VRK2: variants seen among roughly 807,000 people sequenced by gnomAD.
The protein encoded by VRK2 is VRK serine/threonine kinase 2.
VRK2 carries 60 observed loss-of-function variants against 57.6 expected under a neutral mutation model. The ratio of observed to expected loss-of-function variants is 1.04; its 90% confidence interval spans 0.85 to 1.29. The LOEUF is 1.29. Ranked by LOEUF, VRK2 falls within the 50% of genes most tolerant of loss-of-function variation. VRK2 has a pLI of 0.00. For synonymous variants in VRK2, 231 were observed against 199.2 expected (o/e 1.16, Z -1.35); for missense variants, 705 against 588.1 (o/e 1.20, Z -2.06).
chr2:58,115,314 C>T (rs1007700574), intron 7 of VRK2, among the ~76,000 whole-genome samples: 1 of 151,950 alleles, frequency 6.6e-6, no homozygotes, highest in East Asian at 1.9e-4. Flanking sequence ...GATTGAAGTC[C>T]GGGCCAGAAA....
rs1371764236 is a variant in VRK2 at position 58,131,789 on chromosome 2, C to G, written c.677-19C>G. ...ACTTGCTTATCCCTTATCTTTCTCT[C>G]TAATGCTTACTCCTATAGCCTTGTC... On this transcript the variant is annotated intron_variant, in intron 8 of 12. Coordinates refer to ENST00000340157, the MANE Select transcript of VRK2 (RefSeq NM_006296.7). 16 of 1,587,916 alleles carry G rather than the reference C, an allele frequency of 1.0e-5. No homozygotes were observed. The highest frequency in any genetic ancestry group is 9.4e-5 in the Admixed American group (5 of 53,228).
chr2:57,946,589 T>C (rs1165746367), intron 1 of VRK2, among the ~76,000 whole-genome samples: 1 of 152,126 alleles, frequency 6.6e-6, no homozygotes, highest in Admixed American at 6.5e-5. Flanking sequence ...GCTTCCCCCA[T>C]TAAAAGAATC....
chr2:57,920,698 C>G (rs749292595), intron 1 of VRK2, among the ~76,000 whole-genome samples: 1 of 152,156 alleles, frequency 6.6e-6, no homozygotes, highest in South Asian at 2.1e-4. Context: ...TAGTGACCTT[C>G]TCTTAGCACT....
chr2:58,042,809 C>A (rs1410100211), upstream of VRK2, among the ~76,000 whole-genome samples: 1 of 152,004 alleles, frequency 6.6e-6, no homozygotes, highest in African/African-American at 2.4e-5. Context: ...CTAGTTTTCC[C>A]CATATTTTTT....
intron 1 of VRK2, among the ~76,000 whole-genome samples, chr2:57,964,078 G>T (rs933379690): frequency 2.0e-5 from 3 of 152,020 alleles, no homozygotes; most frequent in Non-Finnish European, 4.4e-5. Flanking sequence ...AAAGATGAGG[G>T]TTAGGGAGCT....
intron 3 of VRK2, among the ~76,000 whole-genome samples, chr2:58,084,447 T>C (rs1408050284): frequency 1.3e-5 from 2 of 151,840 alleles, no homozygotes; most frequent in Non-Finnish European, 2.9e-5. Context: ...TTATTTCTTT[T>C]TGGTGTCCCC....
intron 1 of VRK2, among the ~76,000 whole-genome samples, chr2:57,929,175 G>A (rs1021973109): frequency 6.6e-6 from 1 of 152,230 alleles, no homozygotes; most frequent in Non-Finnish European, 1.5e-5. Flanking sequence ...GCTAGGTCCA[G>A]AGATGCTGTC....
intron 1 of VRK2, among the ~76,000 whole-genome samples, chr2:57,932,859 A>G (rs1670774791): frequency 6.6e-6 from 1 of 152,158 alleles, no homozygotes; most frequent in Non-Finnish European, 1.5e-5. Context: ...CTTTTGCTGC[A>G]TTCCATAATT....
intron 1 of VRK2, among the ~76,000 whole-genome samples, chr2:57,993,340 A>G (rs1265638669): frequency 6.6e-6 from 1 of 152,216 alleles, no homozygotes; most frequent in South Asian, 2.1e-4. Context: ...AGTATACTCC[A>G]TGCATTCCCA....
At chr2:58,039,719 A>G (rs1572815562) in intron 3 of VRK2, among the ~76,000 whole-genome samples, 1 of 152,258 alleles carries the variant, frequency 6.6e-6, no homozygotes, top group Admixed American at 6.5e-5. Flanking sequence ...CAATTTGAGT[A>G]TAACTGTGGA....
At chr2:57,962,319 G>A (rs953482696) in intron 1 of VRK2, among the ~76,000 whole-genome samples, 9 of 152,086 alleles carry the variant, frequency 5.9e-5, no homozygotes, top group African/African-American at 2.2e-4. Flanking sequence ...TAGGAACTAT[G>A]ATCAACCTCA....
chr2:58,144,492 G>T (rs1018910832), intron 11 of VRK2, among the ~76,000 whole-genome samples: 3 of 151,906 alleles, frequency 2.0e-5, no homozygotes, highest in Non-Finnish European at 2.9e-5. Context: ...ACATCACATT[G>T]TATACCTTAT....
rs554593449 is a variant in VRK2 at position 58,082,190 on chromosome 2, G to A, written c.137-1899G>A. ...ACACATGATTATGTTCATTCAAAAT[G>A]TGAAAGGAAAATTCAGATTATAAAG... On this transcript the variant is annotated intron_variant, in intron 2 of 12. Coordinates refer to ENST00000340157, the MANE Select transcript of VRK2 (RefSeq NM_006296.7). 1.3e-3 allele frequency among the ~76,000 whole-genome samples: 202 copies of A among 151,952 alleles called. 1 individual carries two copies. Among genetic ancestry groups the A allele is most frequent in the African/African-American group, 4.7e-3 (197 of 41,516 alleles).
intron 7 of VRK2, among the ~76,000 whole-genome samples, chr2:58,113,309 T>C (rs1231628270): frequency 7.2e-6 from 1 of 138,238 alleles, no homozygotes; most frequent in Non-Finnish European, 1.5e-5. Context: ...CGAAACTCCG[T>C]CTCAAAAAAA....
At chr2:58,063,215 ATATT>A (rs955189967) in intron 2 of VRK2, among the ~76,000 whole-genome samples, 2 of 147,718 alleles carry the variant, frequency 1.4e-5, no homozygotes, top group Non-Finnish European at 1.5e-5. Flanking sequence ...AAAATTGTGT[ATATT>A]TAAGGCATAT....
intron 8 of VRK2, among the ~76,000 whole-genome samples, chr2:58,129,889 A>G (rs2104529434): frequency 6.6e-6 from 1 of 152,332 alleles, no homozygotes; most frequent in Non-Finnish European, 1.5e-5. Flanking sequence ...AACAGTGGCA[A>G]AACATTCACC....
intron 2 of VRK2, among the ~76,000 whole-genome samples, chr2:58,050,695 T>G (rs745503016): frequency 2.0e-5 from 3 of 152,244 alleles, no homozygotes; most frequent in Non-Finnish European, 4.4e-5. Context: ...AGTGTATGTC[T>G]GTATACCTGT....
At chr2:58,023,220 G>A (rs1673817937) in intron 1 of VRK2, among the ~76,000 whole-genome samples, 1 of 152,114 alleles carries the variant, frequency 6.6e-6, no homozygotes, top group Non-Finnish European at 1.5e-5. Context: ...CAAATAAGTT[G>A]AATCATACCG....
intron 1 of VRK2, among the ~76,000 whole-genome samples, chr2:57,935,737 G>A (rs1489466239): frequency 1.3e-5 from 2 of 152,120 alleles, no homozygotes; most frequent in South Asian, 4.1e-4. Flanking sequence ...TACCTTTTGG[G>A]AAATATCCTG....
Sources: allele counts gnomAD v4.1 joint callset (sites outside exome capture counted in the v4.1 genomes callset), GRCh38; gene constraint gnomAD v4.1.1; transcripts MANE v1.5; gene names NCBI Gene and HGNC (gene_info 2026-07-23, HGNC 2026-07-21).